SEPTIN10: variants seen among roughly 807,000 people sequenced by gnomAD.
The protein encoded by SEPTIN10 is septin-10.
A neutral mutation model predicts 54.8 loss-of-function variants in SEPTIN10; 66 were observed. That is an observed-to-expected ratio of 1.21 (90% CI 0.99 to 1.48). SEPTIN10 has a LOEUF of 1.48. Among genes scored for constraint, SEPTIN10 ranks in the 40% most tolerant of loss-of-function variants. SEPTIN10 has a pLI of 0.00. For synonymous variants in SEPTIN10, 161 were observed against 181.0 expected, an observed-to-expected ratio of 0.89 and a Z score of 0.89; for missense variants, 620 against 545.6, an observed-to-expected ratio of 1.14 and a Z score of -1.36.
chr2:109,548,398 C>T (rs1283545655), intron 9 of SEPTIN10, among the ~76,000 whole-genome samples: 3 of 152,070 alleles, frequency 2.0e-5, no homozygotes, highest in Non-Finnish European at 4.4e-5. Context: ...TAGAAAAAGA[C>T]GACATAGCTG....
At chr2:109,585,060 T>C (rs1692154793) in intron 4 of SEPTIN10, 66 bp downstream of exon 4, 4 of 884,504 alleles carry the variant, frequency 4.5e-6, no homozygotes, top group Non-Finnish European at 3.4e-6. Context: ...TCATAGTTCA[T>C]GGGGCTATAA....
At chr2:109,598,052 T>G in intron 1 of SEPTIN10, among the ~76,000 whole-genome samples, 1 of 152,242 alleles carries the variant, frequency 6.6e-6, no homozygotes, top group South Asian at 2.1e-4. Flanking sequence ...CTTAGCTTTA[T>G]GTTTTTTTGT....
intron 2 of SEPTIN10, among the ~76,000 whole-genome samples, 178 bp from the exon 3 acceptor site, chr2:109,586,016 A>G (rs901780549): frequency 2.0e-5 from 3 of 152,220 alleles, no homozygotes; most frequent in Middle Eastern, 3.2e-3. Flanking sequence ...CTGTGTCCAG[A>G]TCCTCAAAAC....
chr2:109,610,152 G>A (rs747322582), intron 1 of SEPTIN10, among the ~76,000 whole-genome samples: 7 of 151,464 alleles, frequency 4.6e-5, no homozygotes, highest in South Asian at 2.1e-4. Flanking sequence ...GCAGTGGCGC[G>A]ATCTCAGCTT....
chr2:109,563,828 A>G (rs967063820), intron 8 of SEPTIN10, among the ~76,000 whole-genome samples: 3 of 152,190 alleles, frequency 2.0e-5, no homozygotes, highest in African/African-American at 7.2e-5. Flanking sequence ...TTTATTTTAA[A>G]TGATTCCTGA....
intron 1 of SEPTIN10, chr2:109,594,795 A>G (rs1694952084): frequency 6.6e-6 from 1 of 152,246 alleles, no homozygotes; most frequent in Non-Finnish European, 1.5e-5. Context: ...AATAGTGTAC[A>G]TCGTGACTAA....
chr2:109,589,725 T>C (rs1451758162), intron 2 of SEPTIN10, among the ~76,000 whole-genome samples: 2 of 149,048 alleles, frequency 1.3e-5, no homozygotes, highest in Non-Finnish European at 3.0e-5. Flanking sequence ...AAACACATAT[T>C]ATTATATAGC....
chr2:109,565,765 T>C lies in SEPTIN10; in HGVS notation c.857A>G (p.Gln286Arg), dbSNP rs753730583. 3 of 1,613,136 alleles carry C rather than the reference T, an allele frequency of 1.9e-6. No homozygotes were observed. The highest frequency in any genetic ancestry group is 1.3e-5 in the African/African-American group (1 of 75,002). Residue 286 changes from glutamine to arginine, a missense_variant and splice_region_variant, in exon 7 of 11, where the codon CAA becomes CGA. Gln to Arg is a conservative substitution (Grantham distance 43). Coordinates refer to ENST00000397712, the MANE Select transcript of SEPTIN10 (RefSeq NM_144710.5). ...KARQYPWGVV[Q>R]VENENHCDFV... ...TAGTCATCCTTTGTCTCATTTACCT[T>C]GTACAACACCCCAAGGGTACTGGCG... is the stretch of plus-strand genomic sequence containing the variant.
chr2:109,553,819 A>T (rs1408403700), intron 8 of SEPTIN10, among the ~76,000 whole-genome samples: 2 of 151,858 alleles, frequency 1.3e-5, no homozygotes, highest in Non-Finnish European at 1.5e-5. Flanking sequence ...GCGCCACTGC[A>T]TTCCAGCCTG....
intron 2 of SEPTIN10, among the ~76,000 whole-genome samples, chr2:109,590,860 C>T (rs1027226472): frequency 1.3e-5 from 2 of 152,150 alleles, no homozygotes; most frequent in African/African-American, 4.8e-5. Context: ...CAACAACCCC[C>T]AGCCAGCAGG....
chr2:109,580,996 G>A (rs1290575432), intron 4 of SEPTIN10, among the ~76,000 whole-genome samples: 2 of 152,224 alleles, frequency 1.3e-5, no homozygotes, highest in African/African-American at 4.8e-5. Flanking sequence ...CACATCTGGA[G>A]AGGGCCCCCA....
At chr2:109,593,178 TA>T in intron 1 of SEPTIN10, 59 bp from the exon 2 acceptor site, 1 of 1,096,748 alleles carries the variant, frequency 9.1e-7, no homozygotes, top group Non-Finnish European at 1.3e-6. Flanking sequence ...CAAACCCCAT[TA>T]TCTGAATAAT....
intron 8 of SEPTIN10, among the ~76,000 whole-genome samples, chr2:109,562,139 G>A (rs1449739523): frequency 6.6e-6 from 1 of 152,020 alleles, no homozygotes; most frequent in African/African-American, 2.4e-5. Flanking sequence ...CTTGAACCCA[G>A]GAGGCAGAGG....
At chr2:109,549,595 T>C (rs886889199) in intron 9 of SEPTIN10, among the ~76,000 whole-genome samples, 7 of 152,324 alleles carry the variant, frequency 4.6e-5, no homozygotes, top group African/African-American at 1.4e-4. Context: ...AAGGGATCTT[T>C]TGTGCTATCA....
At chr2:109,609,603 A>C (rs1472261487) in intron 1 of SEPTIN10, among the ~76,000 whole-genome samples, 1 of 136,212 alleles carries the variant, frequency 7.3e-6, no homozygotes, top group African/African-American at 2.9e-5. Context: ...GTGACAGAGC[A>C]AGACTCCGCC....
At chr2:109,609,957 G>C (rs538921800) in intron 1 of SEPTIN10, among the ~76,000 whole-genome samples, 5 of 152,116 alleles carry the variant, frequency 3.3e-5, no homozygotes, top group African/African-American at 4.8e-5. Context: ...TATACAGCCA[G>C]GATCTCCTGA....
At chr2:109,565,925 T>A (rs973473042) in intron 6 of SEPTIN10, 66 bp from the exon 7 acceptor site, 21 of 1,321,228 alleles carry the variant, frequency 1.6e-5, no homozygotes, top group Middle Eastern at 3.6e-4. Flanking sequence ...AAATAAATTT[T>A]ATGTGAGAGA....
chr2:109,569,377 G>C (rs1687823884), intron 5 of SEPTIN10, among the ~76,000 whole-genome samples: 2 of 150,428 alleles, frequency 1.3e-5, no homozygotes, highest in South Asian at 4.2e-4. Flanking sequence ...GTTGCAGTGA[G>C]CCGAGATCGC....
At chr2:109,608,373 A>G (rs1698486500) in intron 1 of SEPTIN10, among the ~76,000 whole-genome samples, 1 of 152,222 alleles carries the variant, frequency 6.6e-6, no homozygotes. Context: ...GCACTCTAAG[A>G]CAATAGGACT....
Sources: gnomAD v4.1 joint callset for allele counts (sites outside exome capture counted in the v4.1 genomes callset) on GRCh38, gnomAD v4.1.1 for gene constraint, MANE v1.5 for transcripts, NCBI Gene and HGNC (gene_info 2026-07-23, HGNC 2026-07-21) for gene names.